TBL1X: variants seen among roughly 807,000 people sequenced by gnomAD.
TBL1X encodes F-box-like/WD repeat-containing protein TBL1X.
TBL1X carries 10 observed loss-of-function variants against 50.7 expected under a neutral mutation model. That is an observed-to-expected ratio of 0.20 (90% CI 0.12 to 0.33). The LOEUF (loss-of-function observed/expected upper bound fraction) is 0.33, where lower values mean the gene tolerates loss of function less well. TBL1X is among the 10% of genes least tolerant of loss of function. The pLI, the probability that TBL1X is intolerant of heterozygous loss-of-function variation, is 1.00. For synonymous variants in TBL1X, 190 were observed against 214.7 expected, an observed-to-expected ratio of 0.88 and a Z score of 1.01; for missense variants, 340 against 504.4, an observed-to-expected ratio of 0.67 and a Z score of 3.12.
chrX:9,687,855 C>G (rs889481232), intron 6 of TBL1X, among the ~76,000 whole-genome samples, 162 bp from the exon 7 acceptor site: 6 of 110,912 alleles, frequency 5.4e-5, no homozygotes, highest in African/African-American at 1.3e-4. Flanking sequence ...TCCCTTCACC[C>G]CAGGCTCCAG....
rs112138413 is a variant in TBL1X at position 9,528,300 on chromosome X, A to G, written c.-131+26451A>G. On this transcript the variant is annotated intron_variant, in intron 2 of 17. Coordinates refer to ENST00000645353, the MANE Select transcript of TBL1X (RefSeq NM_005647.4). ...AGCATAATGTCCTTGAGGTTCTCCC[A>G]TGTTGTAGCCTGTGTCAGGACATTT... Among the ~76,000 whole-genome samples the G allele has an allele frequency of 6.9e-3, 768 of 111,257 alleles. 5 individuals carry two copies. The highest frequency in any genetic ancestry group is 0.024 in the African/African-American group (737 of 30,525).
chrX:9,611,782 C>T (rs982897582), intron 2 of TBL1X, among the ~76,000 whole-genome samples: 5 of 111,969 alleles, frequency 4.5e-5, no homozygotes, highest in African/African-American at 6.5e-5. Context: ...CTGTGTCTTT[C>T]GGGGCAGTCT....
intron 2 of TBL1X, among the ~76,000 whole-genome samples, chrX:9,635,694 A>AGG (rs2082743062): frequency 9.0e-6 from 1 of 111,700 alleles, no homozygotes; most frequent in African/African-American, 3.3e-5. Flanking sequence ...TTTGTTGGCC[A>AGG]CCCTGCCTGC....
intron 1 of TBL1X, among the ~76,000 whole-genome samples, chrX:9,488,459 C>T (rs768323152): frequency 1.1e-3 from 122 of 111,972 alleles, no homozygotes; most frequent in Admixed American, 2.2e-3. Flanking sequence ...AGGCATATCT[C>T]TCTGAGACCA....
intron 2 of TBL1X, among the ~76,000 whole-genome samples, chrX:9,580,253 C>G (rs904656932): frequency 8.9e-6 from 1 of 112,134 alleles, no homozygotes; most frequent in African/African-American, 3.2e-5. Context: ...GACACAACCT[C>G]AGGAGGTCCT....
chrX:9,629,222 A>G (rs2082708213), intron 2 of TBL1X, among the ~76,000 whole-genome samples: 1 of 113,027 alleles, frequency 8.8e-6, no homozygotes, highest in Non-Finnish European at 1.9e-5. Context: ...ACACAGGCCA[A>G]CTGGCTTGCA....
Position 9,708,965 on chromosome X carries a change from C to T in TBL1X, c.1237-283C>T, listed in dbSNP as rs779057667. On this transcript the variant is annotated intron_variant, in intron 13 of 17. Transcript: ENST00000645353. Reference sequence around the variant, plus strand: ...TGCTGCGTTTTATGGTATGTGATTTCTTCACTTGCCTTCCTTCCTAGCAGG... The same window carrying T: ...TGCTGCGTTTTATGGTATGTGATTTTTTCACTTGCCTTCCTTCCTAGCAGG... Among the ~76,000 whole-genome samples the T allele has an allele frequency of 2.7e-5, 3 of 112,271 alleles. No individual in the cohort carries two copies. In the South Asian group the frequency reaches 1.1e-3, roughly 42 times the overall value.
chrX:9,468,491 A>C (rs1246991936), intron 1 of TBL1X, among the ~76,000 whole-genome samples: 1 of 111,421 alleles, frequency 9.0e-6, no homozygotes, highest in African/African-American at 3.3e-5. Flanking sequence ...TCAGTAGGAA[A>C]AGGGCTCCCA....
chrX:9,550,316 A>G (rs1275834154), intron 2 of TBL1X, among the ~76,000 whole-genome samples: 2 of 112,108 alleles, frequency 1.8e-5, no homozygotes, highest in African/African-American at 3.2e-5. Flanking sequence ...GTTTCCAGCA[A>G]TCCATTTTAT....
chrX:9,504,502 A>G (rs183642411), intron 2 of TBL1X, among the ~76,000 whole-genome samples: 15 of 112,218 alleles, frequency 1.3e-4, no homozygotes, highest in Admixed American at 4.7e-4. Flanking sequence ...AAAAACTACA[A>G]TGAGCTAAAG....
At chrX:9,592,943 G>A (rs28704564) in intron 2 of TBL1X, among the ~76,000 whole-genome samples, 14,894 of 97,047 alleles carry the variant, frequency 0.15, 1,545 homozygotes, top group African/African-American at 0.42. Flanking sequence ...ATGCTGTACC[G>A]TGTGCTTCAT....
chrX:9,585,472 G>A (rs1290568422), intron 2 of TBL1X, among the ~76,000 whole-genome samples: 2 of 110,984 alleles, frequency 1.8e-5, no homozygotes, highest in Non-Finnish European at 3.8e-5. Flanking sequence ...GTAATTTGGG[G>A]ACAGTAAAGT....
intron 5 of TBL1X, among the ~76,000 whole-genome samples, chrX:9,663,760 CAAAA>C (rs57927750): frequency 1.8e-4 from 7 of 39,298 alleles, no homozygotes; most frequent in Non-Finnish European, 3.2e-4. Context: ...GATTCTGTCT[CAAAA>C]AAAAAAAAAA....
At chrX:9,705,221 A>C in intron 13 of TBL1X, 107 bp downstream of exon 13, 2 of 1,142,937 alleles carry the variant, frequency 1.7e-6, no homozygotes, top group Non-Finnish European at 2.4e-6. Context: ...GACCAGCTCT[A>C]ATGTGCCCCT....
intron 15 of TBL1X, among the ~76,000 whole-genome samples, chrX:9,710,584 G>A (rs780526526): frequency 1.8e-5 from 2 of 111,909 alleles, no homozygotes; most frequent in South Asian, 7.4e-4. Flanking sequence ...AGTATAAAAG[G>A]GGCATCCCGG....
intron 2 of TBL1X, among the ~76,000 whole-genome samples, chrX:9,587,247 G>A (rs2082474921): frequency 8.9e-6 from 1 of 112,032 alleles, no homozygotes; most frequent in African/African-American, 3.3e-5. Flanking sequence ...TGCTGTCCGC[G>A]GCTTGCGCTT....
intron 2 of TBL1X, among the ~76,000 whole-genome samples, chrX:9,559,408 T>C (rs1234312874): frequency 4.5e-5 from 5 of 111,249 alleles, no homozygotes; most frequent in African/African-American, 1.3e-4. Flanking sequence ...TGCAGTAGCT[T>C]TTGAGTTCTG....
chrX:9,573,278 C>G (rs773575372), intron 2 of TBL1X, among the ~76,000 whole-genome samples: 1 of 112,415 alleles, frequency 8.9e-6, no homozygotes, highest in South Asian at 3.7e-4. Context: ...AGAAGCACTA[C>G]AATTGACAGT....
In TBL1X at chrX:9,611,910, C is replaced by A. The variant is rs183597535; in HGVS notation, c.-130-28363C>A. The stretch of plus-strand genomic sequence containing the variant: ...TGTGGGGAGCCCTGTGAGTTTGTAA[C>A]CCTCCGTGCAGCCTGCCAGGTCAGC... On this transcript the variant is annotated intron_variant, in intron 2 of 17. Transcript: ENST00000645353. Among the ~76,000 whole-genome samples, 431 of 112,280 alleles carry A rather than the reference C, an allele frequency of 3.8e-3. 4 individuals are homozygous for A. The highest frequency in any genetic ancestry group is 0.013 in the African/African-American group (413 of 30,984).
Sources: gnomAD v4.1 joint callset for allele counts (sites outside exome capture counted in the v4.1 genomes callset) on GRCh38, gnomAD v4.1.1 for gene constraint, MANE v1.5 for transcripts, NCBI Gene and HGNC (gene_info 2026-07-23, HGNC 2026-07-21) for gene names.